The following SLIT3 variants were observed in gnomAD, a reference collection of about 807,000 sequenced individuals.
SLIT3 encodes the protein slit homolog 3 protein.
SLIT3 carries 68 observed loss-of-function variants against 184.0 expected under a neutral mutation model. That is an observed-to-expected ratio of 0.37 (90% confidence interval 0.30 to 0.45). SLIT3 has a LOEUF of 0.45. SLIT3 is among the 20% of genes least tolerant of loss of function. The probability of loss-of-function intolerance (pLI) is 1.00; values close to 1 mark genes in which losing one functional copy is unlikely to be tolerated. For synonymous variants in SLIT3, 831 were observed against 828.6 expected, an observed-to-expected ratio of 1.00 and a Z score of -0.05; for missense variants, 1,707 against 2,026.0, an observed-to-expected ratio of 0.84 and a Z score of 3.02.
intron 4 of SLIT3, among the ~76,000 whole-genome samples, chr5:169,073,335 A>G (rs1401600309): frequency 6.6e-6 from 1 of 152,122 alleles, no homozygotes; most frequent in Non-Finnish European, 1.5e-5. Flanking sequence ...ATATACAATA[A>G]TCACACCATG....
intron 4 of SLIT3, among the ~76,000 whole-genome samples, chr5:169,031,134 G>A (rs1468556467): frequency 6.6e-6 from 1 of 152,184 alleles, no homozygotes; most frequent in Non-Finnish European, 1.5e-5. Context: ...TATCCTTGCA[G>A]ATGGCCCTGG....
chr5:168,842,079 T>G (rs1758273385), intron 6 of SLIT3, among the ~76,000 whole-genome samples: 2 of 152,118 alleles, frequency 1.3e-5, no homozygotes, highest in Non-Finnish European at 2.9e-5. Context: ...AGAGAAGCAT[T>G]ATAAAATGTC....
chr5:169,266,353 C>T (rs1253870801), intron 1 of SLIT3, among the ~76,000 whole-genome samples: 1 of 152,204 alleles, frequency 6.6e-6, no homozygotes, highest in Non-Finnish European at 1.5e-5. Context: ...AGGCAAACAA[C>T]AAGATTAAAT....
intron 9 of SLIT3, among the ~76,000 whole-genome samples, chr5:168,799,466 C>T (rs990218735): frequency 2.0e-5 from 3 of 152,198 alleles, no homozygotes; most frequent in Non-Finnish European, 2.9e-5. Context: ...ACAATGGGAA[C>T]ATCTGATGGG....
chr5:169,250,686 C>T (rs1015732194), intron 2 of SLIT3, among the ~76,000 whole-genome samples: 6 of 152,214 alleles, frequency 3.9e-5, no homozygotes, highest in Non-Finnish European at 8.8e-5. Flanking sequence ...GTCTGTACTT[C>T]TTGCATGGAG....
At chr5:169,069,338 A>G (rs1340616259) in intron 4 of SLIT3, among the ~76,000 whole-genome samples, 5 of 152,210 alleles carry the variant, frequency 3.3e-5, no homozygotes, top group South Asian at 2.1e-4. Flanking sequence ...CAGGTGAAAT[A>G]TGAGGAAGAG....
intron 4 of SLIT3, among the ~76,000 whole-genome samples, chr5:169,105,763 A>G (rs1581414973): frequency 6.6e-6 from 1 of 152,134 alleles, no homozygotes; most frequent in African/African-American, 2.4e-5. Flanking sequence ...TGTTCCATCC[A>G]TGTTCCTGCA....
rs201559128 is a variant in SLIT3, at chr5:168,703,361, G to A, written c.2845-2682C>T. On this transcript the variant is annotated intron_variant, in intron 26 of 35. Coordinates refer to ENST00000519560, the MANE Select transcript of SLIT3 (RefSeq NM_003062.4). Reference sequence around the variant, plus strand: ...GGGACATGGACTGGTACCGGTCCCCGTTAGGAACCAGGCTGCACAGCAGGA... The same window carrying A: ...GGGACATGGACTGGTACCGGTCCCCATTAGGAACCAGGCTGCACAGCAGGA... 3.1e-4 allele frequency among the ~76,000 whole-genome samples: 47 copies of A among 151,798 alleles called. No individual in the cohort carries two copies. The East Asian group carries it at 6.7e-3, about 21-fold the overall frequency.
At chr5:168,704,842 G>A (rs1028195748) in intron 26 of SLIT3, among the ~76,000 whole-genome samples, 4 of 152,134 alleles carry the variant, frequency 2.6e-5, no homozygotes, top group African/African-American at 9.7e-5. Context: ...GGTATCTGGG[G>A]ATTTCTGTTA....
chr5:168,728,574 A>G (rs911283481), intron 20 of SLIT3, among the ~76,000 whole-genome samples: 1 of 152,108 alleles, frequency 6.6e-6, no homozygotes, highest in African/African-American at 2.4e-5. Flanking sequence ...TTAAAAAATC[A>G]ATGTAGGCTA....
chr5:169,262,409 G>A (rs973922999), intron 1 of SLIT3, among the ~76,000 whole-genome samples: 44 of 152,138 alleles, frequency 2.9e-4, no homozygotes, highest in Non-Finnish European at 8.8e-5. Context: ...GGAAAAGAAG[G>A]ATCCAGTTGA....
At chr5:168,903,446 T>C (rs10516053) in intron 4 of SLIT3, among the ~76,000 whole-genome samples, 8,132 of 152,210 alleles carry the variant, frequency 0.053, 258 homozygotes, top group Middle Eastern at 0.099. Flanking sequence ...TCATTTGAGG[T>C]GAGAGCTGGA....
chr5:169,146,982 A>G (rs1319679185), intron 4 of SLIT3, among the ~76,000 whole-genome samples: 1 of 152,252 alleles, frequency 6.6e-6, no homozygotes, highest in Non-Finnish European at 1.5e-5. Flanking sequence ...TGCAGTTAAT[A>G]CAAGAAAACT....
At chr5:169,232,220 C>T (rs182503060) in intron 3 of SLIT3, among the ~76,000 whole-genome samples, 2 of 152,224 alleles carry the variant, frequency 1.3e-5, no homozygotes, top group South Asian at 2.1e-4. Context: ...CTCAAGGCCA[C>T]GAAAATATTC....
At chr5:169,099,122 G>C (rs542460272) in intron 4 of SLIT3, among the ~76,000 whole-genome samples, 26 of 152,144 alleles carry the variant, frequency 1.7e-4, no homozygotes, top group African/African-American at 6.3e-4. Context: ...CCAGTGTTCT[G>C]TCATCTCATC....
intron 4 of SLIT3, among the ~76,000 whole-genome samples, chr5:169,005,165 G>A (rs956843683): frequency 2.0e-5 from 3 of 152,162 alleles, no homozygotes; most frequent in Non-Finnish European, 4.4e-5. Flanking sequence ...AATAGACTAT[G>A]GAACAGTGTA....
intron 4 of SLIT3, among the ~76,000 whole-genome samples, chr5:168,885,043 A>G (rs985824091): frequency 6.6e-6 from 1 of 152,136 alleles, no homozygotes; most frequent in African/African-American, 2.4e-5. Flanking sequence ...CTAAATGAAC[A>G]TTTTGCAAAG....
At chr5:169,020,555 G>T (rs948820655) in intron 4 of SLIT3, among the ~76,000 whole-genome samples, 2 of 152,184 alleles carry the variant, frequency 1.3e-5, no homozygotes, top group Non-Finnish European at 2.9e-5. Flanking sequence ...ATCTGAGAGA[G>T]AAATAAACCT....
intron 4 of SLIT3, among the ~76,000 whole-genome samples, chr5:168,929,344 A>T (rs1027403824): frequency 6.6e-6 from 1 of 152,250 alleles, no homozygotes; most frequent in Non-Finnish European, 1.5e-5. Flanking sequence ...TGAGCAAAAT[A>T]CTGTGTTAAA....
Sources: gnomAD v4.1 joint callset for allele counts (sites outside exome capture counted in the v4.1 genomes callset) on GRCh38, gnomAD v4.1.1 for gene constraint, MANE v1.5 for transcripts, NCBI Gene and HGNC (gene_info 2026-07-23, HGNC 2026-07-21) for gene names.